TMTC2: variants seen among roughly 807,000 people sequenced by gnomAD.
The protein encoded by TMTC2 is transmembrane O-mannosyltransferase targeting cadherins 2.
In TMTC2, 43 loss-of-function variants were observed where a neutral mutation model predicts 82.4. The observed-to-expected ratio is 0.52, with a 90% CI of 0.41 to 0.67. TMTC2 has a LOEUF of 0.67. Ranked by LOEUF, TMTC2 falls within the 30% of genes least tolerant of loss-of-function variation. The pLI is 0.00. For synonymous variants in TMTC2, 408 were observed against 381.9 expected, an observed-to-expected ratio of 1.07 and a Z score of -0.80; for missense variants, 919 against 1,012.4, an observed-to-expected ratio of 0.91 and a Z score of 1.25.
At chr12:82,963,919 T>C (rs1878069721) in intron 4 of TMTC2, among the ~76,000 whole-genome samples, 1 of 146,890 alleles carries the variant, frequency 6.8e-6, no homozygotes, top group East Asian at 2.0e-4. Flanking sequence ...TGAGAAATAA[T>C]GAAGTTTTTA....
intron 11 of TMTC2, among the ~76,000 whole-genome samples, chr12:83,087,616 G>A (rs537912286): frequency 1.5e-4 from 23 of 152,322 alleles, no homozygotes; most frequent in South Asian, 4.1e-4. Context: ...GGTAAACAAC[G>A]TTAATTTCCT....
chr12:82,767,588 C>CA (rs924345539), intron 1 of TMTC2, among the ~76,000 whole-genome samples: 33 of 146,444 alleles, frequency 2.3e-4, no homozygotes, highest in South Asian at 2.1e-4. Context: ...CTGTCTCAAA[C>CA]AAAAAAAAAA....
intron 1 of TMTC2, among the ~76,000 whole-genome samples, chr12:82,712,036 T>A (rs560639222): frequency 1.3e-5 from 2 of 152,306 alleles, no homozygotes; most frequent in South Asian, 4.1e-4. Flanking sequence ...TCTTTTCTTA[T>A]CTTCCTCCAT....
At chr12:82,817,528 G>A (rs939903858) in intron 1 of TMTC2, among the ~76,000 whole-genome samples, 6 of 152,140 alleles carry the variant, frequency 3.9e-5, no homozygotes, top group South Asian at 2.1e-4. Context: ...AAAATCTGTT[G>A]CCCTTGGCAA....
rs1224296558 is a variant in TMTC2, at chr12:82,852,181, A to G, written c.84-4829A>G. Reference sequence around the variant, plus strand: ...CAGTGGTGGGATCTCAGCTCAGTGCAAGCTCCGCCTCCCGGGTTCACACCA... The same window carrying G: ...CAGTGGTGGGATCTCAGCTCAGTGCGAGCTCCGCCTCCCGGGTTCACACCA... On this transcript the variant is annotated intron_variant, in intron 1 of 11. Transcript: ENST00000321196. Among the ~76,000 whole-genome samples the G allele has an allele frequency of 2.0e-5, 3 of 150,604 alleles. No homozygotes were observed. The Admixed American group carries it at 2.0e-4, about 10-fold the overall frequency.
At chr12:82,756,715 T>G (rs1173038817) in intron 1 of TMTC2, among the ~76,000 whole-genome samples, 1 of 152,152 alleles carries the variant, frequency 6.6e-6, no homozygotes, top group African/African-American at 2.4e-5. Context: ...TTGATAGTAT[T>G]TATTTATTTA....
chr12:82,838,272 T>C (rs1276077780), intron 1 of TMTC2, among the ~76,000 whole-genome samples: 1 of 152,192 alleles, frequency 6.6e-6, no homozygotes, highest in East Asian at 1.9e-4. Flanking sequence ...TGATGTTGAA[T>C]TACTCTCCTA....
intron 9 of TMTC2, among the ~76,000 whole-genome samples, chr12:83,033,805 CAT>C (rs753840745): frequency 0.032 from 4,439 of 137,048 alleles, 82 homozygotes; most frequent in Middle Eastern, 0.083. Context: ...TATATATACA[CAT>C]ATATGTGTGT....
At chr12:82,808,871 T>C (rs1291685092) in intron 1 of TMTC2, among the ~76,000 whole-genome samples, 3 of 151,886 alleles carry the variant, frequency 2.0e-5, no homozygotes, top group Admixed American at 6.6e-5. Flanking sequence ...AAGTATAAAT[T>C]TGTATTGGCC....
At chr12:82,895,757 A>T in intron 2 of TMTC2, 61 bp from the exon 3 acceptor site, 1 of 1,402,094 alleles carries the variant, frequency 7.1e-7, no homozygotes, top group Non-Finnish European at 9.7e-7. Flanking sequence ...TCTAAGTGTT[A>T]AGTGTTCCCA....
At chr12:83,038,529 A>G (rs1156629001) in intron 9 of TMTC2, among the ~76,000 whole-genome samples, 4 of 152,168 alleles carry the variant, frequency 2.6e-5, no homozygotes, top group Admixed American at 6.5e-5. Flanking sequence ...GGGAAAGCAT[A>G]TATCTGAAAT....
At chr12:82,790,392 G>T (rs546326323) in intron 1 of TMTC2, among the ~76,000 whole-genome samples, 1 of 152,126 alleles carries the variant, frequency 6.6e-6, no homozygotes, top group Admixed American at 6.5e-5. Context: ...CAAAATGCCA[G>T]TAATTTGTTT....
chr12:82,814,819 A>T (rs1337527885), intron 1 of TMTC2, among the ~76,000 whole-genome samples: 1 of 152,140 alleles, frequency 6.6e-6, no homozygotes, highest in Non-Finnish European at 1.5e-5. Flanking sequence ...CTTTACATTG[A>T]GTTTGAAATA....
intron 1 of TMTC2, among the ~76,000 whole-genome samples, chr12:82,831,383 TC>T (rs1207524282): frequency 1.3e-5 from 2 of 152,220 alleles, no homozygotes; most frequent in Non-Finnish European, 2.9e-5. Flanking sequence ...AGCCCTTTTT[TC>T]TGTTATTGGT....
At chr12:82,927,867 T>C (rs1378259697) in intron 3 of TMTC2, among the ~76,000 whole-genome samples, 6 of 152,176 alleles carry the variant, frequency 3.9e-5, no homozygotes, top group Non-Finnish European at 7.3e-5. Flanking sequence ...TTTTTAGACA[T>C]CATGCTATTG....
chr12:82,745,816 TAATTC>T (rs1178303053), intron 1 of TMTC2, among the ~76,000 whole-genome samples: 1 of 152,238 alleles, frequency 6.6e-6, no homozygotes, highest in Admixed American at 6.5e-5. Context: ...TGTGGTGACT[TAATTC>T]AGAGCATCGA....
chr12:82,791,561 C>A (rs756038769), intron 1 of TMTC2, among the ~76,000 whole-genome samples: 1 of 152,072 alleles, frequency 6.6e-6, no homozygotes, highest in Non-Finnish European at 1.5e-5. Flanking sequence ...TTAGTAACTC[C>A]ACTGCAAGAT....
chr12:82,961,892 A>G (rs1361932209), intron 4 of TMTC2, among the ~76,000 whole-genome samples: 2 of 152,120 alleles, frequency 1.3e-5, no homozygotes, highest in Admixed American at 6.6e-5. Flanking sequence ...TTAATGCTCA[A>G]TTAAATCCTT....
At chr12:82,940,069 A>G (rs1167429964) in intron 4 of TMTC2, among the ~76,000 whole-genome samples, 20 of 123,568 alleles carry the variant, frequency 1.6e-4, no homozygotes, top group African/African-American at 4.2e-4. Context: ...TGCCCAGGCT[A>G]GAGTGCAGTG....
Sources: allele counts gnomAD v4.1 joint callset (sites outside exome capture counted in the v4.1 genomes callset), GRCh38; gene constraint gnomAD v4.1.1; transcripts MANE v1.5; gene names NCBI Gene and HGNC (gene_info 2026-07-23, HGNC 2026-07-21).